DYNC1H1: variants seen among roughly 807,000 people sequenced by gnomAD.
DYNC1H1 encodes dynein cytoplasmic 1 heavy chain 1, also known as cytoplasmic dynein 1 heavy chain 1.
Under a neutral mutation model 527.1 loss-of-function variants are expected in DYNC1H1, and 51 were observed. That is an observed-to-expected ratio of 0.10 (90% CI 0.08 to 0.12). DYNC1H1 has a LOEUF of 0.12. Ranked by LOEUF, DYNC1H1 falls within the 10% of genes least tolerant of loss-of-function variation. The probability of loss-of-function intolerance (pLI) is 1.00; values close to 1 mark genes in which losing one functional copy is unlikely to be tolerated. For synonymous variants in DYNC1H1, 2,189 were observed against 2,278.8 expected (o/e 0.96, Z 1.12); for missense variants, 2,771 against 5,971.8 (o/e 0.46, Z 17.66).
At position 102,054,817 on chromosome 14, in the gene DYNC1H1, C is replaced by T. The variant is rs2048859434; in HGVS notation, c.*4254C>T. On this transcript the variant is annotated 3_prime_UTR_variant, in exon 78 of 78. Coordinates refer to ENST00000360184, the MANE Select transcript of DYNC1H1 (RefSeq NM_001376.5). ...CTCCTGACCTCAGGTGATCTGCCCA[C>T]CTTGGCCTCCCAAAGTGCTGGGATT... 6.6e-6 allele frequency: 1 copy of T among 152,096 alleles called. No homozygotes were observed. Among genetic ancestry groups the T allele is most frequent in the Admixed American group, 6.6e-5 (1 of 15,246 alleles). The allele number at this position is 152,096 out of a possible 1,614,324, so 9.4% of individuals were successfully genotyped here.
rs2048648361 is a variant in DYNC1H1, at chr14:102,041,458, TC to T, written c.11942-114del. 2 of 1,539,710 alleles carry T rather than the reference TC, an allele frequency of 1.3e-6. No homozygotes were observed. The highest frequency in any genetic ancestry group is 1.8e-6 in the Non-Finnish European group (2 of 1,120,088). On this transcript the variant is annotated intron_variant, in intron 64 of 77. Coordinates refer to ENST00000360184, the MANE Select transcript of DYNC1H1 (RefSeq NM_001376.5). This position sits in a 1 kb window ranked among gnomAD's most constrained non-coding sequence, Gnocchi z 4.5. ...GGCTGAATTTCCTGATTTGAGCTGA[TC>T]CTGAAATGCTGAGCATTTGCTGAGT...
chr14:102,039,852 T>G lies in DYNC1H1; in HGVS notation c.11690+120T>G. ...TCTCTTTTATTTTCTTTATTTTATT[T>G]TTTGAGACGGAGTCTCCCTTTGTTG... is the stretch of plus-strand genomic sequence containing the variant. On this transcript the variant is annotated intron_variant, in intron 62 of 77. Coordinates refer to ENST00000360184, the MANE Select transcript of DYNC1H1 (RefSeq NM_001376.5). This position sits in a 1 kb window ranked among gnomAD's most constrained non-coding sequence, Gnocchi z 7.0. 1 of 1,307,154 alleles carries G rather than the reference T, an allele frequency of 7.7e-7. No individual in the cohort carries two copies. The highest frequency in any genetic ancestry group is 1.1e-6 in the Non-Finnish European group (1 of 942,100). 81.0% of individuals were successfully genotyped at this position (1,307,154 alleles called of 1,614,324 possible).
intron 1 of DYNC1H1, among the ~76,000 whole-genome samples, chr14:101,970,024 T>G (rs1463031684): frequency 6.6e-6 from 1 of 152,242 alleles, no homozygotes; most frequent in Non-Finnish European, 1.5e-5. Flanking sequence ...CCTTGGTATC[T>G]GTTATTTATT....
At chr14:101,984,897 C>A (rs2047915601) in intron 7 of DYNC1H1, among the ~76,000 whole-genome samples, 1 of 127,468 alleles carries the variant, frequency 7.8e-6, no homozygotes, top group African/African-American at 3.1e-5. Flanking sequence ...CGCGCCACTG[C>A]ATTCCAGCCT....
Position 102,032,435 on chromosome 14 carries a change from C to T in DYNC1H1, c.10047C>T (p.Pro3349=). 6.2e-7 allele frequency: 1 copy of T among 1,614,216 alleles called. No individual in the cohort carries two copies. Among genetic ancestry groups the T allele is most frequent in the Non-Finnish European group, 8.5e-7 (1 of 1,180,052 alleles). ...TCATCATGCGGGAGAACTTCATCCC[C>T]ACCATCGTCAACTTCTCTGCAGAGG... ...RSIIMRENFI[P]TIVNFSAEEI... The change falls in exon 52 of 78, where the codon CCC becomes CCT. Residue 3349 remains proline (P), a synonymous_variant. Transcript: ENST00000360184.
At chr14:102,048,735 G>T in intron 74 of DYNC1H1, 66 bp downstream of exon 74, 2 of 1,464,310 alleles carry the variant, frequency 1.4e-6, no homozygotes, top group Admixed American at 1.9e-5. Context: ...CCACAACCCA[G>T]CCCAGCCACA....
chr14:102,027,668 G>A lies in DYNC1H1; in HGVS notation c.9098G>A (p.Cys3033Tyr). 1 of 1,614,150 alleles carries A rather than the reference G, an allele frequency of 6.2e-7. No homozygotes were observed. The highest frequency in any genetic ancestry group is 8.5e-7 in the Non-Finnish European group (1 of 1,180,016). ...GAGTATGCCACCTTGATGACGCAGTGCAAAGAGGGGGCACAGAAGGAAGGC... is the reference window on the plus strand; with the variant it reads ...GAGTATGCCACCTTGATGACGCAGTACAAAGAGGGGGCACAGAAGGAAGGC... Reference protein sequence around the residue: ...GDEYATLMTQCKEGAQKEGLM... With the variant: ...GDEYATLMTQYKEGAQKEGLM... The change falls in exon 47 of 78, where the codon TGC (cysteine) becomes TAC (tyrosine). Residue 3033 changes from cysteine to tyrosine, a missense_variant. Physicochemically the swap from Cys to Tyr is radical, Grantham distance 194 (BLOSUM62 -2). Transcript: ENST00000360184. This position sits in a 1 kb window ranked among gnomAD's most constrained non-coding sequence, Gnocchi z 7.7.
chr14:101,973,482 C>T (rs2141265284), intron 1 of DYNC1H1, among the ~76,000 whole-genome samples: 1 of 152,144 alleles, frequency 6.6e-6, no homozygotes, highest in East Asian at 1.9e-4. Flanking sequence ...ATTTTATACT[C>T]TTTAGTGTGA....
chr14:102,049,337 C>T lies in DYNC1H1; in HGVS notation c.13373-103C>T, dbSNP rs930130394. On this transcript the variant is annotated intron_variant, in intron 74 of 77. Transcript: ENST00000360184. This position sits in a 1 kb window ranked among gnomAD's most constrained non-coding sequence, Gnocchi z 5.5. ...AGGCAGTAGGTGGAGCCGCCAGCCG[C>T]CTGTGTGGGCAGCCAGGATGCCTAG... The T allele has an allele frequency of 8.9e-6, 14 of 1,568,108 alleles. No homozygotes were observed. In the Admixed American group the frequency reaches 1.9e-4, roughly 21 times the overall value.
At position 102,047,824 on chromosome 14, in the gene DYNC1H1, C is replaced by T. The variant is rs200400317; in HGVS notation, c.13014C>T (p.Asp4338=). ...ERVLLTTQGV[D]MISKMLKMQM... The stretch of plus-strand genomic sequence containing the variant: ...TGTGGGACTGTGGCCCAGGTGTGGA[C>T]ATGATCAGTAAAATGCTGAAGATGC... The change falls in exon 73 of 78, where the codon GAC becomes GAT. Residue 4338 remains aspartate (D), a synonymous_variant. Coordinates refer to ENST00000360184, the MANE Select transcript of DYNC1H1 (RefSeq NM_001376.5). 6.2e-7 allele frequency: 1 copy of T among 1,613,240 alleles called. No individual in the cohort carries two copies. The highest frequency in any genetic ancestry group is 1.6e-4 in the Middle Eastern group (1 of 6,062).
At chr14:101,993,279 GATT>G (rs2048019382) in intron 11 of DYNC1H1, among the ~76,000 whole-genome samples, 1 of 151,950 alleles carries the variant, frequency 6.6e-6, no homozygotes, top group Non-Finnish European at 1.5e-5. Flanking sequence ...CTCTCACTTG[GATT>G]ATTAATATTC....
At position 102,015,864 on chromosome 14, in the gene DYNC1H1, A is replaced by G. The variant is rs1214524467; in HGVS notation, c.7251A>G (p.Arg2417=). The change falls in exon 36 of 78, where the codon AGA becomes AGG. Residue 2417 remains arginine (R), a synonymous_variant. Transcript: ENST00000360184. This position sits in a 1 kb window ranked among gnomAD's most constrained non-coding sequence, Gnocchi z 6.9. ...CTCCTTCCACTTTCTAGATCCAAAG[A>G]GATGCAGCTACGATCATGCAACCGT... The part of the protein sequence containing the change: ...EAASPMLQIQ[R]DAATIMQPYF... 1 of 1,614,214 alleles carries G rather than the reference A, an allele frequency of 6.2e-7. No individual in the cohort carries two copies. The highest frequency in any genetic ancestry group is 1.7e-5 in the Admixed American group (1 of 60,020).
At chr14:102,035,909 C>T (rs1004287858) in intron 56 of DYNC1H1, 5 of 154,196 alleles carry the variant, frequency 3.2e-5, no homozygotes, top group African/African-American at 1.2e-4. Flanking sequence ...TTTGTAAAAG[C>T]TTGTGTGTAT....
At position 102,020,821 on chromosome 14, in the gene DYNC1H1, G is replaced by GT. The variant is rs1435839177; in HGVS notation, c.8507+770dup. Among the ~76,000 whole-genome samples the GT allele has an allele frequency of 6.6e-6, 1 of 152,210 alleles. No individual in the cohort carries two copies. The highest frequency in any genetic ancestry group is 1.9e-4 in the East Asian group (1 of 5,204). ...CCTCTGGACCAGGTGTCATCCTGCAGTTTTTCCTGTCATTACTGTACAAGG... is the reference window on the plus strand; with the variant it reads ...CCTCTGGACCAGGTGTCATCCTGCAGTTTTTTCCTGTCATTACTGTACAAGG... On this transcript the variant is annotated intron_variant, in intron 42 of 77. Transcript: ENST00000360184. The surrounding 1 kb of genome is among the most constrained non-coding windows in gnomAD (Gnocchi z 4.3).
Position 102,042,853 on chromosome 14 carries a change from T to C in DYNC1H1, c.12513+105T>C. 1 of 1,291,896 alleles carries C rather than the reference T, an allele frequency of 7.7e-7. No homozygotes were observed. The highest frequency in any genetic ancestry group is 1.3e-5 in the South Asian group (1 of 79,864). 80.0% of individuals were successfully genotyped at this position (1,291,896 alleles called of 1,614,324 possible). On this transcript the variant is annotated intron_variant, in intron 69 of 77. Coordinates refer to ENST00000360184, the MANE Select transcript of DYNC1H1 (RefSeq NM_001376.5). This position sits in a 1 kb window ranked among gnomAD's most constrained non-coding sequence, Gnocchi z 5.7. ...CTGGGCCCCCGGAAGTGCCGTGTGG[T>C]GAACTGCACAGCTGCTTTTGCTTTT...
At chr14:102,028,370 C>T (rs2048473993) in intron 48 of DYNC1H1, 2 of 464,866 alleles carry the variant, frequency 4.3e-6, no homozygotes, top group East Asian at 9.4e-5. Context: ...AGAAAATTAG[C>T]CGGGCATGGT....
At chr14:101,971,147 G>C (rs886315254) in intron 1 of DYNC1H1, among the ~76,000 whole-genome samples, 2 of 141,368 alleles carry the variant, frequency 1.4e-5, no homozygotes, top group Admixed American at 1.5e-4. Flanking sequence ...GCCCAGGCTG[G>C]AGTGCAGCGC....
Position 101,964,663 on chromosome 14 carries a change from C to T in DYNC1H1, c.-29C>T, listed in dbSNP as rs1387667460. The T allele has an allele frequency of 3.2e-6, 5 of 1,568,386 alleles. No homozygotes were observed. The highest frequency in any genetic ancestry group is 4.3e-6 in the Non-Finnish European group (5 of 1,163,412). On this transcript the variant is annotated 5_prime_UTR_variant, in exon 1 of 78. Coordinates refer to ENST00000360184, the MANE Select transcript of DYNC1H1 (RefSeq NM_001376.5). The surrounding 1 kb of genome is among the most constrained non-coding windows in gnomAD (Gnocchi z 5.5). ...CGCTGAGTCGCGGCCGCCTTCTCAT[C>T]GCTCCTGGAAGGTCCCGAGCGCGAC...
At position 102,040,407 on chromosome 14, in the gene DYNC1H1, C is replaced by T. The variant is rs140543419; in HGVS notation, c.11862C>T (p.Asp3954=). ...FKDLIAKVQA[D]EQFGIWLDSS... ...ACTTGATTGCAAAGGTTCAGGCAGA[C>T]GAGGTGATTGTTCTCTTGAATGTTC... Residue 3954 remains aspartate, a synonymous_variant, in exon 63 of 78, where the codon GAC becomes GAT. Transcript: ENST00000360184. 3.9e-5 allele frequency: 63 copies of T among 1,614,002 alleles called. No individual in the cohort carries two copies. The African/African-American group carries it at 5.3e-4, about 14-fold the overall frequency.
Sources: allele counts gnomAD v4.1 joint callset (sites outside exome capture counted in the v4.1 genomes callset), GRCh38; gene constraint gnomAD v4.1.1; non-coding constraint Gnocchi (gnomAD v3.1); transcripts MANE v1.5; gene names NCBI Gene and HGNC (gene_info 2026-07-23, HGNC 2026-07-21).